TIGD6: variants seen among roughly 807,000 people sequenced by gnomAD.
The protein encoded by TIGD6 is tigger transposable element-derived protein 6.
TIGD6 carries 1 observed loss-of-function variant against 2.6 expected under a neutral mutation model. That is an observed-to-expected ratio of 0.39 (90% CI 0.14 to 1.85). TIGD6 has a LOEUF of 1.85. Among genes scored for constraint, TIGD6 ranks in the 40% most tolerant of loss-of-function variants. TIGD6 has a pLI of 0.32. For missense variants in TIGD6, 601 were observed against 634.2 expected (o/e 0.95, Z 0.56); for synonymous variants, 193 against 221.9 (o/e 0.87, Z 1.16).
In TIGD6 at chr5:149,997,562, A is replaced by C. The variant is rs1755421579; in HGVS notation, c.-81-1133T>G. Among the ~76,000 whole-genome samples, 3 of 151,004 alleles carry C rather than the reference A, an allele frequency of 2.0e-5. No individual in the cohort carries two copies. The South Asian group carries it at 6.2e-4, about 31-fold the overall frequency. On this transcript the variant is annotated intron_variant, in intron 1 of 1. Transcript: ENST00000296736. ...TCAAAAACAACAACAACAACAAAAA[A>C]CAAAAAAAACACACACACCGAAAAT...
At chr5:149,997,287 C>G (rs937083957) in intron 1 of TIGD6, among the ~76,000 whole-genome samples, 1 of 152,206 alleles carries the variant, frequency 6.6e-6, no homozygotes, top group East Asian at 1.9e-4. Flanking sequence ...ATAGGCCGGG[C>G]GCTGTGGCTC....
At chr5:149,997,078 C>T (rs1240671387) in intron 1 of TIGD6, among the ~76,000 whole-genome samples, 1 of 152,088 alleles carries the variant, frequency 6.6e-6, no homozygotes, top group Non-Finnish European at 1.5e-5. Context: ...AAAAAGTAAA[C>T]AGATAATTAC....
intron 1 of TIGD6, among the ~76,000 whole-genome samples, chr5:149,998,257 CA>C (rs1368119429): frequency 6.6e-6 from 1 of 152,120 alleles, no homozygotes; most frequent in Non-Finnish European, 1.5e-5. Context: ...ATCAAAGAGG[CA>C]AAGAGACCAA....
Position 149,995,264 on chromosome 5 carries a change from GACC to G in TIGD6, c.1082_1084del (p.Trp361del). The G allele has an allele frequency of 6.2e-7, 1 of 1,614,220 alleles. No individual in the cohort carries two copies. The highest frequency in any genetic ancestry group is 8.5e-7 in the Non-Finnish European group (1 of 1,180,052). The stretch of plus-strand genomic sequence containing the variant: ...TTTCACCACTGTGGATGGCTTGACT[GACC>G]ACCACGCTGCAGCAATCATGTCGAT... On this transcript the variant is annotated inframe_deletion, in exon 2 of 2. Coordinates refer to ENST00000296736, the MANE Select transcript of TIGD6 (RefSeq NM_030953.4).
intron 1 of TIGD6, 180 bp downstream of exon 1, chr5:150,000,294 C>A (rs148722478): frequency 1.9e-5 from 3 of 153,978 alleles, no homozygotes; most frequent in Non-Finnish European, 4.4e-5. Flanking sequence ...CTACTTGATG[C>A]GGCACTACGT....
intron 1 of TIGD6, among the ~76,000 whole-genome samples, chr5:149,997,394 C>A (rs989958363): frequency 7.2e-5 from 11 of 151,886 alleles, no homozygotes; most frequent in Admixed American, 6.6e-4. Context: ...AAAAATTAGC[C>A]GGGCGTGGTG....
Position 149,996,399 on chromosome 5 carries a change from T to C in TIGD6, c.-51A>G. 6.5e-7 allele frequency: 1 copy of C among 1,526,756 alleles called. No individual in the cohort carries two copies. The highest frequency in any genetic ancestry group is 8.8e-7 in the Non-Finnish European group (1 of 1,140,012). 94.6% of individuals were successfully genotyped at this position (1,526,756 alleles called of 1,614,324 possible). A position where few individuals can be genotyped will look rare whatever the true frequency, so the allele number is the denominator to read the frequency against. The stretch of plus-strand genomic sequence containing the variant: ...ACTAACAGGACTGTCTGGTTCCTCC[T>C]CGCGGCTTGCTTTGCCCCAAGTGTG... On this transcript the variant is annotated 5_prime_UTR_variant, in exon 2 of 2. Coordinates refer to ENST00000296736, the MANE Select transcript of TIGD6 (RefSeq NM_030953.4).
chr5:149,997,859 G>C (rs903244354), intron 1 of TIGD6, among the ~76,000 whole-genome samples: 1 of 152,292 alleles, frequency 6.6e-6, no homozygotes, highest in East Asian at 1.9e-4. Flanking sequence ...TACTCGGGAG[G>C]CTGAGGCAGG....
intron 1 of TIGD6, among the ~76,000 whole-genome samples, chr5:149,997,563 C>CAA (rs199779335): frequency 1.3e-5 from 2 of 151,066 alleles, no homozygotes; most frequent in Non-Finnish European, 2.9e-5. Context: ...CAACAAAAAA[C>CAA]AAAAAAAACA....
rs781557902 is a variant in TIGD6, at chr5:149,996,334, C to T, written c.15G>A (p.Gly5=). The change falls in exon 2 of 2, where the codon GGG becomes GGA. Residue 5 remains glycine, a synonymous_variant. Coordinates refer to ENST00000296736, the MANE Select transcript of TIGD6 (RefSeq NM_030953.4). Reference sequence around the variant, plus strand: ...GAGAGAACTGCCGACGCTTCTTGTTCCCCTTGTTTGCCATTTCCAGGGAAT... The same window carrying T: ...GAGAGAACTGCCGACGCTTCTTGTTTCCCTTGTTTGCCATTTCCAGGGAAT... The part of the protein sequence containing the change: MANK[G]NKKRRQFSLE... 15 of 1,605,516 alleles carry T rather than the reference C, an allele frequency of 9.3e-6. No homozygotes were observed. In the Middle Eastern group the frequency reaches 6.7e-4, roughly 71 times the overall value.
rs760939396 is a variant in TIGD6, at chr5:149,994,266, T to G, written c.*517A>C. 6.6e-6 allele frequency: 1 copy of G among 152,272 alleles called. No individual in the cohort carries two copies. The highest frequency in any genetic ancestry group is 1.5e-5 in the Non-Finnish European group (1 of 68,102). The allele number at this position is 152,272 out of a possible 1,614,324, so 9.4% of individuals were successfully genotyped here. ...ACTCTGGGGGTGGGCCTAGCAGCCT[T>G]GGGTTTTAACAAGCCTTCCAAGTGA... is the stretch of plus-strand genomic sequence containing the variant. On this transcript the variant is annotated 3_prime_UTR_variant, in exon 2 of 2. Transcript: ENST00000296736.
At position 149,997,966 on chromosome 5, in the gene TIGD6, AAAAT is replaced by A. The variant is rs1328720113; in HGVS notation, c.-81-1541_-81-1538del. Among the ~76,000 whole-genome samples the A allele has an allele frequency of 8.6e-5, 13 of 151,224 alleles. No homozygotes were observed. In the East Asian group the frequency reaches 1.6e-3, roughly 18 times the overall value. ...ACAGAGCAAGACTCCGTCTCAAAAA[AAAAT>A]AAATAAATAAATAACTGGGTGTGGT... On this transcript the variant is annotated intron_variant, in intron 1 of 1. Transcript: ENST00000296736.
At position 149,996,090 on chromosome 5, in the gene TIGD6, G is replaced by C. The variant is rs1400781134; in HGVS notation, c.259C>G (p.Gln87Glu). The change falls in exon 2 of 2, where the codon CAA becomes GAA. Residue 87 changes from glutamine to glutamate, a missense_variant. Gln to Glu is a conservative substitution (Grantham distance 29). Coordinates refer to ENST00000296736, the MANE Select transcript of TIGD6 (RefSeq NM_030953.4). ...DIDKAVFAWF[Q>E]EIHAKNILVT... ...AGAATGTTTTTGGCATGGATTTCTT[G>C]AAACCAAGCAAAAACAGCCTTATCA... The C allele has an allele frequency of 6.2e-7, 1 of 1,613,984 alleles. No individual in the cohort carries two copies. The highest frequency in any genetic ancestry group is 1.6e-4 in the Middle Eastern group (1 of 6,062).
At position 149,995,794 on chromosome 5, in the gene TIGD6, G is replaced by C; in HGVS notation, c.555C>G (p.Phe185Leu). 6.2e-7 allele frequency: 1 copy of C among 1,614,150 alleles called. No homozygotes were observed. The highest frequency in any genetic ancestry group is 8.5e-7 in the Non-Finnish European group (1 of 1,180,028). ...CAAGTGTGTGCTGGGGAAGCAACTG[G>C]AAAAACACTCCTGTCTCATCAGCAT... ...IFNADETGVF[F>L]QLLPQHTLAA... Residue 185 changes from phenylalanine to leucine, a missense_variant, in exon 2 of 2, where the codon TTC becomes TTG. Transcript: ENST00000296736.
Position 149,995,683 on chromosome 5 carries a change from T to A in TIGD6, c.666A>T (p.Glu222Asp). Residue 222 changes from glutamate to aspartate, a missense_variant, in exon 2 of 2, where the codon GAA (glutamate) becomes GAT (aspartate). Physicochemically the swap from Glu to Asp is conservative, Grantham distance 45. Coordinates refer to ENST00000296736, the MANE Select transcript of TIGD6 (RefSeq NM_030953.4). ...TACCAACAATCAATGGTCTCATTTTTTCAGTCCCCGAGGCATTGCAACAAA... is the reference window on the plus strand; with the variant it reads ...TACCAACAATCAATGGTCTCATTTTATCAGTCCCCGAGGCATTGCAACAAA... Reference protein sequence around the residue: ...ALFCCNASGTEKMRPLIVGRS... With the variant: ...ALFCCNASGTDKMRPLIVGRS... 1 of 1,614,230 alleles carries A rather than the reference T, an allele frequency of 6.2e-7. No homozygotes were observed. Among genetic ancestry groups the A allele is most frequent in the African/African-American group, 1.3e-5 (1 of 75,066 alleles).
In TIGD6 at chr5:149,996,141, T is replaced by C; in HGVS notation, c.208A>G (p.Met70Val). The C allele has an allele frequency of 6.2e-7, 1 of 1,610,980 alleles. No homozygotes were observed. The highest frequency in any genetic ancestry group is 8.5e-7 in the Non-Finnish European group (1 of 1,180,024). The change falls in exon 2 of 2, where the codon ATG (methionine) becomes GTG (valine). Residue 70 changes from methionine to valine, a missense_variant. By Grantham distance (21) the Met-to-Val change is conservative. Coordinates refer to ENST00000296736, the MANE Select transcript of TIGD6 (RefSeq NM_030953.4). Reference sequence around the variant, plus strand: ...ATGTCATCATAAAGAGCGCTCCTCATCCTTTTCCGCTGGGGTCCCACGGAT... The same window carrying C: ...ATGTCATCATAAAGAGCGCTCCTCACCCTTTTCCGCTGGGGTCCCACGGAT... ...EASVGPQRKR[M>V]RSALYDDIDK...
chr5:149,994,315 A>G lies in TIGD6; in HGVS notation c.*468T>C, dbSNP rs928423965. 1 of 152,424 alleles carries G rather than the reference A, an allele frequency of 6.6e-6. No homozygotes were observed. The allele number at this position is 152,424 out of a possible 1,614,324, so 9.4% of individuals were successfully genotyped here. ...GATTCTGATGTAAGCTAAATTTGGA[A>G]GCCCCTGAGATACACTTACTGGAAA... On this transcript the variant is annotated 3_prime_UTR_variant, in exon 2 of 2. Coordinates refer to ENST00000296736, the MANE Select transcript of TIGD6 (RefSeq NM_030953.4).
chr5:149,995,613 A>G lies in TIGD6; in HGVS notation c.736T>C (p.Cys246Arg), dbSNP rs759420675. The change falls in exon 2 of 2, where the codon TGT (cysteine) becomes CGT (arginine). Residue 246 changes from cysteine to arginine, a missense_variant. By Grantham distance (180) the Cys-to-Arg change is radical. Coordinates refer to ENST00000296736, the MANE Select transcript of TIGD6 (RefSeq NM_030953.4). ...GCCCACTGGTTGGCTCGGTAATCACAAGGGAGGGAATGAATGTTCTTGAGG... is the reference window on the plus strand; with the variant it reads ...GCCCACTGGTTGGCTCGGTAATCACGAGGGAGGGAATGAATGTTCTTGAGG... The part of the protein sequence containing the change: ...HCLKNIHSLP[C>R]DYRANQWAWM... 1.9e-6 allele frequency: 3 copies of G among 1,614,240 alleles called. No individual in the cohort carries two copies. The highest frequency in any genetic ancestry group is 2.2e-5 in the East Asian group (1 of 44,890).
Position 149,995,839 on chromosome 5 carries a change from G to A in TIGD6, c.510C>T (p.Tyr170=), listed in dbSNP as rs1446530124. 4 of 1,614,116 alleles carry A rather than the reference G, an allele frequency of 2.5e-6. No individual in the cohort carries two copies. The highest frequency in any genetic ancestry group is 4.5e-5 in the East Asian group (2 of 44,894). ...CAGCATTAAAGATATCATCTGGGCT[G>A]TAGTCAGCAATCAGTTTTATAATTT... is the stretch of plus-strand genomic sequence containing the variant. ...AGEIIKLIAD[Y]SPDDIFNADE... Residue 170 remains tyrosine, a synonymous_variant, in exon 2 of 2, where the codon TAC becomes TAT. Transcript: ENST00000296736.
Sources: gnomAD v4.1 joint callset for allele counts (sites outside exome capture counted in the v4.1 genomes callset) on GRCh38, gnomAD v4.1.1 for gene constraint, MANE v1.5 for transcripts, NCBI Gene and HGNC (gene_info 2026-07-23, HGNC 2026-07-21) for gene names.